The following INPP4B variants were observed in gnomAD, a reference collection of about 807,000 sequenced individuals.
The protein encoded by INPP4B is inositol polyphosphate-4-phosphatase type II B, also known as inositol polyphosphate 4-phosphatase type II.
Under a neutral mutation model 122.5 loss-of-function variants are expected in INPP4B, and 55 were observed. The observed-to-expected ratio is 0.45, with a 90% confidence interval of 0.36 to 0.56. The LOEUF is 0.56. Among genes scored for constraint, INPP4B ranks in the 20% least tolerant of loss-of-function variants. The pLI, the probability that INPP4B is intolerant of heterozygous loss-of-function variation, is 0.00. For missense variants in INPP4B, 1,000 were observed against 1,097.7 expected (o/e 0.91, Z 1.26); for synonymous variants, 403 against 388.7 (o/e 1.04, Z -0.43).
At chr4:142,778,304 C>A (rs1774249380) in intron 1 of INPP4B, among the ~76,000 whole-genome samples, 1 of 152,108 alleles carries the variant, frequency 6.6e-6, no homozygotes, top group Non-Finnish European at 1.5e-5. Flanking sequence ...CTTCCTTACT[C>A]ATCTTTTTTT....
chr4:142,733,349 GA>G (rs1240358085), intron 1 of INPP4B, among the ~76,000 whole-genome samples: 1 of 152,028 alleles, frequency 6.6e-6, no homozygotes, highest in Non-Finnish European at 1.5e-5. Flanking sequence ...ATGCCAAGTA[GA>G]ATATGAAATG....
intron 12 of INPP4B, among the ~76,000 whole-genome samples, chr4:142,217,699 T>C (rs1406402324): frequency 6.6e-6 from 1 of 152,204 alleles, no homozygotes; most frequent in African/African-American, 2.4e-5. Context: ...AACGGTATAC[T>C]GAGTGTTTCC....
intron 1 of INPP4B, among the ~76,000 whole-genome samples, chr4:142,770,672 A>C (rs1426752804): frequency 6.6e-6 from 1 of 152,172 alleles, no homozygotes; most frequent in Admixed American, 6.6e-5. Context: ...CCAAACAAGC[A>C]ATTCCATTAG....
chr4:142,257,313 C>T (rs994823930), intron 11 of INPP4B, among the ~76,000 whole-genome samples: 3 of 152,202 alleles, frequency 2.0e-5, no homozygotes, highest in Admixed American at 6.5e-5. Flanking sequence ...GATGCCCTCT[C>T]TCACCACTCC....
intron 11 of INPP4B, among the ~76,000 whole-genome samples, chr4:142,245,812 G>A (rs917609309): frequency 7.7e-6 from 1 of 130,280 alleles, no homozygotes; most frequent in South Asian, 2.5e-4. Context: ...ATATGTGTAT[G>A]TATACATATA....
At chr4:142,122,373 T>C (rs543742807) in intron 20 of INPP4B, 128 bp from the exon 21 acceptor site, 1 of 702,424 alleles carries the variant, frequency 1.4e-6, no homozygotes, top group Non-Finnish European at 2.5e-6. Context: ...GTGAACCTAC[T>C]CTAGACACTT....
chr4:142,653,854 G>A (rs1481699446), intron 2 of INPP4B, among the ~76,000 whole-genome samples: 2 of 152,176 alleles, frequency 1.3e-5, no homozygotes, highest in Non-Finnish European at 2.9e-5. Flanking sequence ...ATTTGACCCA[G>A]CGATCGCATT....
rs748336433 is a variant in INPP4B, at chr4:142,305,541, A to G, written c.424-4T>C. ...TGGCATAGCCCAAGAAACTTCGCTG[A>G]AAATAACAGAAAGAATGGTTTCATT... On this transcript the variant is annotated splice_polypyrimidine_tract_variant and splice_region_variant and intron_variant, in intron 8 of 25. Transcript: ENST00000262992. 4.4e-6 allele frequency: 7 copies of G among 1,608,810 alleles called. No individual in the cohort carries two copies. The South Asian group carries it at 7.8e-5, about 18-fold the overall frequency.
intron 16 of INPP4B, among the ~76,000 whole-genome samples, chr4:142,161,256 C>G (rs936747097): frequency 6.6e-6 from 1 of 151,926 alleles, no homozygotes; most frequent in African/African-American, 2.4e-5. Flanking sequence ...ATACCTAGTA[C>G]GTACTATAGC....
chr4:142,242,169 T>C (rs1235051674), intron 11 of INPP4B, among the ~76,000 whole-genome samples: 1 of 152,206 alleles, frequency 6.6e-6, no homozygotes, highest in Admixed American at 6.6e-5. Flanking sequence ...TTTGAAGATA[T>C]CTTAAATACA....
At chr4:142,631,119 A>T (rs1269591644) in intron 2 of INPP4B, among the ~76,000 whole-genome samples, 3 of 152,140 alleles carry the variant, frequency 2.0e-5, no homozygotes, top group Non-Finnish European at 4.4e-5. Context: ...CCCTCCAGGT[A>T]CAACATACAA....
At chr4:142,765,978 A>T (rs973902034) in intron 1 of INPP4B, 4 of 151,984 alleles carry the variant, frequency 2.6e-5, no homozygotes, top group Admixed American at 6.6e-5. Flanking sequence ...AGCCCATTAG[A>T]TTCTCACTTA....
chr4:142,078,319 A>G (rs138607950), intron 25 of INPP4B, among the ~76,000 whole-genome samples: 1,594 of 152,132 alleles, frequency 0.01, 30 homozygotes, highest in African/African-American at 0.037. Context: ...TAAGACTCTT[A>G]CTTTCATATT....
At chr4:142,167,556 A>G (rs761873621) in intron 16 of INPP4B, among the ~76,000 whole-genome samples, 90 of 151,678 alleles carry the variant, frequency 5.9e-4, no homozygotes, top group Non-Finnish European at 9.7e-4. Context: ...CCTAACATTA[A>G]ATTTTTAAAA....
chr4:142,238,284 A>T (rs1320644949), intron 11 of INPP4B, among the ~76,000 whole-genome samples: 3 of 152,016 alleles, frequency 2.0e-5, no homozygotes, highest in African/African-American at 4.8e-5. Flanking sequence ...AAAATTATAC[A>T]TCAAACTCCA....
chr4:142,693,739 T>C (rs1358641004), intron 2 of INPP4B, among the ~76,000 whole-genome samples: 1 of 152,194 alleles, frequency 6.6e-6, no homozygotes, highest in Non-Finnish European at 1.5e-5. Flanking sequence ...CTTCACGCTA[T>C]GCTTTCAAAA....
intron 9 of INPP4B, among the ~76,000 whole-genome samples, chr4:142,296,086 A>C (rs1318313670): frequency 6.6e-6 from 1 of 152,200 alleles, no homozygotes; most frequent in East Asian, 1.9e-4. Flanking sequence ...CATTTTAAAA[A>C]AGGAAAGGTT....
chr4:142,260,073 C>T (rs908433057), intron 11 of INPP4B, among the ~76,000 whole-genome samples: 12 of 152,108 alleles, frequency 7.9e-5, no homozygotes, highest in Non-Finnish European at 1.3e-4. Context: ...CAACCTCCGC[C>T]CCTCGGGTTC....
chr4:142,465,054 A>C (rs1420621078), intron 2 of INPP4B, among the ~76,000 whole-genome samples: 2 of 152,238 alleles, frequency 1.3e-5, no homozygotes, highest in African/African-American at 4.8e-5. Flanking sequence ...CATATAGTCC[A>C]TAGTGTCCAA....
Sources: gnomAD v4.1 joint callset for allele counts (sites outside exome capture counted in the v4.1 genomes callset) on GRCh38, gnomAD v4.1.1 for gene constraint, MANE v1.5 for transcripts, NCBI Gene and HGNC (gene_info 2026-07-23, HGNC 2026-07-21) for gene names.